The following IL1R1 variants were observed in gnomAD, a reference collection of about 807,000 sequenced individuals.
IL1R1 encodes interleukin-1 receptor type 1.
A neutral mutation model predicts 50.2 loss-of-function variants in IL1R1; 22 were observed. The observed-to-expected ratio is 0.44, with a 90% confidence interval of 0.31 to 0.63. IL1R1 has a LOEUF of 0.63. Among genes scored for constraint, IL1R1 ranks in the 20% least tolerant of loss-of-function variants. IL1R1 has a pLI of 0.07. For synonymous variants in IL1R1, 251 were observed against 236.7 expected (o/e 1.06, Z -0.55); for missense variants, 509 against 676.2 (o/e 0.75, Z 2.74).
At chr2:102,104,946 C>T (rs1461694321) in intron 1 of IL1R1, 2 of 152,056 alleles carry the variant, frequency 1.3e-5, no homozygotes, top group Non-Finnish European at 2.9e-5. Context: ...TTTACTTACA[C>T]ATTAATGAGG....
Position 102,171,890 on chromosome 2 carries a change from G to T in IL1R1, c.811G>T (p.Asp271Tyr). Residue 271 changes from aspartate (D) to tyrosine (Y), a missense_variant, in exon 8 of 12, where the codon GAC becomes TAC. Asp to Tyr is a radical substitution (Grantham distance 160). Transcript: ENST00000410023. ...GAATGGGTCAGTAATTGATGAAGAT[G>T]ACCCAGTGCTAGGGGAAGACTATTA... ...KWNGSVIDEDDPVLGEDYYSV... is the reference protein window; with the variant it reads ...KWNGSVIDEDYPVLGEDYYSV... 1.2e-6 allele frequency: 2 copies of T among 1,602,608 alleles called. No homozygotes were observed. Among genetic ancestry groups the T allele is most frequent in the South Asian group, 2.2e-5 (2 of 90,308 alleles).
At chr2:102,175,246 C>T (rs935086437) in intron 10 of IL1R1, among the ~76,000 whole-genome samples, 5 of 151,890 alleles carry the variant, frequency 3.3e-5, no homozygotes, top group African/African-American at 1.2e-4. Flanking sequence ...TAAGAGTATA[C>T]GAGGCAGCCT....
rs116840190 is a variant in IL1R1 at position 102,173,557 on chromosome 2, C to T, written c.991+719C>T. Among the ~76,000 whole-genome samples, 750 of 152,172 alleles carry T rather than the reference C, an allele frequency of 4.9e-3. 4 individuals are homozygous for T. Among genetic ancestry groups the T allele is most frequent in the African/African-American group, 0.017 (723 of 41,508 alleles). On this transcript the variant is annotated intron_variant, in intron 9 of 11. Coordinates refer to ENST00000410023, the MANE Select transcript of IL1R1 (RefSeq NM_000877.4). ...AAATCTAGCAAAAGCTGTTCAAAAC[C>T]TCTGTAATACAAACTAAAAAATATT...
chr2:102,095,828 C>G (rs983758380), intron 1 of IL1R1, among the ~76,000 whole-genome samples: 1 of 152,076 alleles, frequency 6.6e-6, no homozygotes, highest in African/African-American at 2.4e-5. Context: ...CATGGTGAAA[C>G]CCCATCTCTA....
intron 1 of IL1R1, among the ~76,000 whole-genome samples, chr2:102,132,297 A>G (rs909323370): frequency 6.6e-6 from 1 of 152,112 alleles, no homozygotes; most frequent in Admixed American, 6.6e-5. Flanking sequence ...AATGAAAATT[A>G]TTTAAACAGA....
chr2:102,076,523 A>G (rs906476652), intron 1 of IL1R1, among the ~76,000 whole-genome samples: 7 of 152,178 alleles, frequency 4.6e-5, no homozygotes, highest in African/African-American at 1.7e-4. Flanking sequence ...ATTTCAGTTT[A>G]TAGATGTCTG....
At position 102,105,484 on chromosome 2, in the gene IL1R1, C is replaced by A. The variant is rs1037326151; in HGVS notation, c.-84+612C>A. 2.0e-5 allele frequency among the ~76,000 whole-genome samples: 3 copies of A among 152,172 alleles called. No homozygotes were observed. In the East Asian group the frequency reaches 5.8e-4, roughly 29 times the overall value. On this transcript the variant is annotated intron_variant, in intron 1 of 10. Transcript: ENST00000409329. ...GGTTCAAGCGATTCTCCTGCCTCAGCCTCCCGAGTAGCTGGGACTATAGGC... is the reference window on the plus strand; with the variant it reads ...GGTTCAAGCGATTCTCCTGCCTCAGACTCCCGAGTAGCTGGGACTATAGGC...
upstream of IL1R1, among the ~76,000 whole-genome samples, chr2:102,099,828 T>G (rs1390447690): frequency 6.6e-6 from 1 of 152,216 alleles, no homozygotes; most frequent in Admixed American, 6.5e-5. Context: ...AATATGAGGT[T>G]AGGGAACTAA....
At chr2:102,151,543 A>AGAGGG (rs1352112814) in intron 1 of IL1R1, among the ~76,000 whole-genome samples, 1 of 152,064 alleles carries the variant, frequency 6.6e-6, no homozygotes, top group Non-Finnish European at 1.5e-5. Flanking sequence ...TGGGTGTGGG[A>AGAGGG]GAGGGGAGGG....
chr2:102,112,588 G>A (rs1393541278), intron 1 of IL1R1, among the ~76,000 whole-genome samples: 1 of 152,138 alleles, frequency 6.6e-6, no homozygotes, highest in Admixed American at 6.5e-5. Flanking sequence ...CCCCAATCAG[G>A]TGTAACATGG....
chr2:102,125,598 G>C (rs1167839598), intron 1 of IL1R1, among the ~76,000 whole-genome samples: 1 of 152,204 alleles, frequency 6.6e-6, no homozygotes, highest in East Asian at 1.9e-4. Context: ...ACAGAAAGTT[G>C]GGCCTTGTTA....
upstream of IL1R1, among the ~76,000 whole-genome samples, chr2:102,103,389 A>G (rs192478590): frequency 9.9e-5 from 15 of 152,166 alleles, no homozygotes; most frequent in Non-Finnish European, 1.9e-4. Flanking sequence ...AGTGGTGTCA[A>G]TTGGCTAGGG....
upstream of IL1R1, among the ~76,000 whole-genome samples, chr2:102,102,704 T>C (rs1363850299): frequency 1.3e-5 from 2 of 151,944 alleles, no homozygotes; most frequent in South Asian, 2.1e-4. Flanking sequence ...AGACATGATG[T>C]TCATTACATC....
In IL1R1 at chr2:102,114,084, C is replaced by CA. The variant is rs1410039706; in HGVS notation, c.-84+9213dup. Reference sequence around the variant, plus strand: ...TTGGGCACTGGTTTTTGAGTCCATTCATATCAAGCATGCCATTCAGGCTCT... The same window carrying CA: ...TTGGGCACTGGTTTTTGAGTCCATTCAATATCAAGCATGCCATTCAGGCTCT... On this transcript the variant is annotated intron_variant, in intron 1 of 10. Transcript: ENST00000409329. Among the ~76,000 whole-genome samples the CA allele has an allele frequency of 7.2e-5, 11 of 152,306 alleles. No individual in the cohort carries two copies. The East Asian group carries it at 1.9e-3, about 27-fold the overall frequency.
At chr2:102,160,402 C>G (rs1471527008) in intron 3 of IL1R1, among the ~76,000 whole-genome samples, 1 of 152,006 alleles carries the variant, frequency 6.6e-6, no homozygotes, top group Non-Finnish European at 1.5e-5. Flanking sequence ...ATCCATATTA[C>G]TATTTTCTTC....
At chr2:102,115,864 C>A (rs1367152997) in intron 1 of IL1R1, among the ~76,000 whole-genome samples, 14 of 152,170 alleles carry the variant, frequency 9.2e-5, no homozygotes, top group Admixed American at 9.2e-4. Context: ...GGAACACATT[C>A]CAAAAGGTAG....
In IL1R1 at chr2:102,108,136, C is replaced by G. The variant is rs971080679; in HGVS notation, c.-84+3264C>G. ...CTCTAAAGTTTAGTGATAAATCTAA[C>G]CTTCTAAAATATATAGTTTCTGGAG... On this transcript the variant is annotated intron_variant, in intron 1 of 10. Transcript: ENST00000409329. 2.0e-5 allele frequency among the ~76,000 whole-genome samples: 3 copies of G among 151,908 alleles called. No homozygotes were observed. The East Asian group carries it at 5.8e-4, about 29-fold the overall frequency.
chr2:102,093,601 G>A (rs1176360595), intron 1 of IL1R1, among the ~76,000 whole-genome samples: 5 of 152,164 alleles, frequency 3.3e-5, no homozygotes, highest in Non-Finnish European at 7.4e-5. Flanking sequence ...GTGATATTGA[G>A]CATTTTTTCG....
At chr2:102,101,113 G>T (rs767308475), upstream of IL1R1, among the ~76,000 whole-genome samples, 3 of 152,212 alleles carry the variant, frequency 2.0e-5, no homozygotes, top group Non-Finnish European at 2.9e-5. Flanking sequence ...CACCCAGAAA[G>T]CTTAGTCAAA....
Sources: gnomAD v4.1 joint callset for allele counts (sites outside exome capture counted in the v4.1 genomes callset) on GRCh38, gnomAD v4.1.1 for gene constraint, MANE v1.5 for transcripts, NCBI Gene and HGNC (gene_info 2026-07-23, HGNC 2026-07-21) for gene names.